Variants in GLB1 observed in about 807,000 individuals in gnomAD.
GLB1 encodes the protein galactosidase beta 1.
A neutral mutation model predicts 74.0 loss-of-function variants in GLB1; 56 were observed. The ratio of observed to expected loss-of-function variants is 0.76; its 90% CI spans 0.61 to 0.94. The LOEUF (loss-of-function observed/expected upper bound fraction) is 0.94, where lower values mean the gene tolerates loss of function less well. GLB1 is among the 40% of genes least tolerant of loss of function. The pLI, the probability that GLB1 is intolerant of heterozygous loss-of-function variation, is 0.00. For synonymous variants in GLB1, 323 were observed against 323.6 expected (o/e 1.00, Z 0.02); for missense variants, 787 against 845.5 (o/e 0.93, Z 0.86).
At chr3:33,078,674 G>A (rs1700215914) in intron 1 of GLB1, among the ~76,000 whole-genome samples, 1 of 152,168 alleles carries the variant, frequency 6.6e-6, no homozygotes, top group Non-Finnish European at 1.5e-5. Flanking sequence ...AAGAACTTCA[G>A]AGGAATAATG....
intron 15 of GLB1, among the ~76,000 whole-genome samples, chr3:33,001,051 C>T (rs1696540363): frequency 6.6e-6 from 1 of 152,092 alleles, no homozygotes; most frequent in African/African-American, 2.4e-5. Flanking sequence ...CCATACCTTC[C>T]TCCTTTCCTC....
intron 9 of GLB1, 66 bp downstream of exon 9, chr3:33,051,692 C>T (rs1191672809): frequency 6.2e-6 from 10 of 1,610,306 alleles, no homozygotes; most frequent in South Asian, 5.5e-5. Flanking sequence ...GTGGGCACAC[C>T]CCTCCTCAAA....
chr3:33,082,052 C>G (rs1395304350), intron 1 of GLB1, among the ~76,000 whole-genome samples: 1 of 152,206 alleles, frequency 6.6e-6, no homozygotes, highest in Non-Finnish European at 1.5e-5. Flanking sequence ...TTCCTCCAAT[C>G]CTTCCCAACA....
At chr3:33,035,154 G>T (rs1698216538) in intron 10 of GLB1, among the ~76,000 whole-genome samples, 1 of 152,152 alleles carries the variant, frequency 6.6e-6, no homozygotes, top group African/African-American at 2.4e-5. Flanking sequence ...GTTGTAGGCT[G>T]GGCGCAGTTG....
At chr3:33,010,133 T>C (rs773613259) in intron 15 of GLB1, among the ~76,000 whole-genome samples, 10 of 152,232 alleles carry the variant, frequency 6.6e-5, no homozygotes, top group East Asian at 1.9e-4. Flanking sequence ...CTGGGTTCTA[T>C]GGTAATCTAT....
chr3:32,981,717 G>T, the GLB1 span, among the ~76,000 whole-genome samples: 20 of 151,326 alleles, frequency 1.3e-4, no homozygotes, highest in Non-Finnish European at 2.8e-4. Context: ...AGGTTGCAGT[G>T]AGCTGAGATT....
chr3:33,067,150 GCACCAC>G (rs1158743776), intron 4 of GLB1, among the ~76,000 whole-genome samples: 2 of 151,750 alleles, frequency 1.3e-5, no homozygotes, highest in Non-Finnish European at 2.9e-5. Flanking sequence ...TTACAGGCAT[GCACCAC>G]CACACCCAGC....
intron 10 of GLB1, among the ~76,000 whole-genome samples, chr3:33,026,785 CAG>C (rs1697780789): frequency 6.6e-6 from 1 of 152,246 alleles, no homozygotes; most frequent in South Asian, 2.1e-4. Context: ...AATCTACCCA[CAG>C]AGAGGCACTA....
chr3:33,053,498 C>T lies in GLB1; in HGVS notation c.785G>A (p.Gly262Glu), dbSNP rs377174858. ...CTCACCCTCGATTCTTACCAAGGGT[C>T]CTTTGGGCTCACACTTCCTCTGGCT... ...FLSQRKCEPK[G>E]PLINSEFYTG... The change falls in exon 7 of 16, where the codon GGA becomes GAA. Residue 262 changes from glycine (G) to glutamate (E), a missense_variant. Transcript: ENST00000307363. The T allele has an allele frequency of 5.0e-6, 8 of 1,614,178 alleles. No individual in the cohort carries two copies. In the South Asian group the frequency reaches 8.8e-5, roughly 18 times the overall value.
the GLB1 span, among the ~76,000 whole-genome samples, chr3:32,981,707 A>G: frequency 6.6e-6 from 1 of 151,570 alleles, no homozygotes; most frequent in Non-Finnish European, 1.5e-5. Context: ...TGGGAAGTGG[A>G]GGTTGCAGTG....
At chr3:33,090,398 G>A (rs1700701312) in intron 1 of GLB1, 11 of 985,318 alleles carry the variant, frequency 1.1e-5, no homozygotes, top group Non-Finnish European at 1.3e-5. Flanking sequence ...CAAAACACGA[G>A]GGGAAGAAAA....
intron 1 of GLB1, among the ~76,000 whole-genome samples, chr3:33,076,078 C>T (rs1166900242): frequency 6.6e-6 from 1 of 151,964 alleles, no homozygotes; most frequent in Non-Finnish European, 1.5e-5. Context: ...TTGACCTCAC[C>T]CCCAGACATT....
intron 1 of GLB1, among the ~76,000 whole-genome samples, chr3:33,094,993 C>T (rs909326953): frequency 4.6e-5 from 7 of 152,056 alleles, no homozygotes; most frequent in African/African-American, 1.7e-4. Flanking sequence ...GGCAGATTAC[C>T]TGAGGTCAGG....
chr3:32,961,750 A>G, the GLB1 span, among the ~76,000 whole-genome samples: 1 of 152,246 alleles, frequency 6.6e-6, no homozygotes, highest in African/African-American at 2.4e-5. Context: ...AGATTTCATT[A>G]TCATGATAAA....
chr3:33,082,004 G>A (rs183688635), intron 1 of GLB1, among the ~76,000 whole-genome samples: 62 of 152,310 alleles, frequency 4.1e-4, no homozygotes, highest in African/African-American at 1.5e-3. Context: ...CCTTGAGGAA[G>A]GATCCTGCAT....
the GLB1 span, among the ~76,000 whole-genome samples, chr3:32,989,168 G>A: frequency 2.3e-4 from 35 of 152,266 alleles, no homozygotes; most frequent in Admixed American, 1.3e-3. Flanking sequence ...GCCCACCAGG[G>A]AAGTTGTGAT....
intron 15 of GLB1, 106 bp downstream of exon 15, chr3:33,013,950 A>C: frequency 6.3e-7 from 1 of 1,584,760 alleles, no homozygotes; most frequent in Middle Eastern, 1.7e-4. Context: ...GCCACACTCA[A>C]AACCATCACA....
chr3:32,968,446 A>G, the GLB1 span, among the ~76,000 whole-genome samples: 1,047 of 152,290 alleles, frequency 6.9e-3, 6 homozygotes, highest in African/African-American at 0.024. Flanking sequence ...GTGTCAAGAA[A>G]AAAAAAGCTC....
chr3:32,980,687 A>G, the GLB1 span, among the ~76,000 whole-genome samples: 2 of 152,252 alleles, frequency 1.3e-5, no homozygotes, highest in South Asian at 4.1e-4. Context: ...AGGCCAAGGT[A>G]GGAGAATTGC....
Sources: allele counts gnomAD v4.1 joint callset (sites outside exome capture counted in the v4.1 genomes callset), GRCh38; gene constraint gnomAD v4.1.1; transcripts MANE v1.5; gene names NCBI Gene and HGNC (gene_info 2026-07-23, HGNC 2026-07-21).